KANSL1: variants seen among roughly 807,000 people sequenced by gnomAD.
KANSL1 encodes the protein KAT8 regulatory NSL complex subunit 1, also known as MLL1/MLL complex subunit KANSL1.
A neutral mutation model predicts 103.6 loss-of-function variants in KANSL1; 22 were observed. The observed-to-expected ratio is 0.21, with a 90% CI of 0.15 to 0.30. The LOEUF (loss-of-function observed/expected upper bound fraction) is 0.30, where lower values mean the gene tolerates loss of function less well. KANSL1 is among the 10% of genes least tolerant of loss of function. KANSL1 has a pLI of 1.00. For synonymous variants in KANSL1, 600 were observed against 527.6 expected (o/e 1.14, Z -1.88); for missense variants, 1,337 against 1,399.8 (o/e 0.96, Z 0.72).
At chr17:46,187,642 G>A (rs534689456) in intron 1 of KANSL1, among the ~76,000 whole-genome samples, 60 of 152,358 alleles carry the variant, frequency 3.9e-4, no homozygotes, top group African/African-American at 1.4e-3. Flanking sequence ...GCTTTCAAAT[G>A]TTAACACTGT....
chr17:46,102,850 T>C (rs2042379581), intron 2 of KANSL1, among the ~76,000 whole-genome samples: 2 of 152,186 alleles, frequency 1.3e-5, no homozygotes, highest in Admixed American at 1.3e-4. Flanking sequence ...ATGTTAATAA[T>C]CAAATAATCA....
intron 1 of KANSL1, among the ~76,000 whole-genome samples, chr17:46,206,030 T>A (rs1174383133): frequency 6.6e-6 from 1 of 150,452 alleles, no homozygotes; most frequent in Non-Finnish European, 1.5e-5. Context: ...TGAGCCATGA[T>A]TGCATTACTG....
chr17:46,090,093 C>T (rs2146902909), intron 3 of KANSL1, among the ~76,000 whole-genome samples: 1 of 152,210 alleles, frequency 6.6e-6, no homozygotes. Context: ...GACTGGTGTC[C>T]TCCTGACATG....
chr17:46,128,262 T>C (rs2043671947), intron 2 of KANSL1, among the ~76,000 whole-genome samples: 1 of 152,238 alleles, frequency 6.6e-6, no homozygotes, highest in Admixed American at 6.5e-5. Flanking sequence ...GAGAGTTCAA[T>C]GATAGGCCCT....
chr17:46,066,788 A>C (rs767597217), intron 5 of KANSL1, 56 bp from the exon 6 acceptor site: 40 of 1,267,924 alleles, frequency 3.2e-5, no homozygotes, highest in Non-Finnish European at 4.3e-5. Flanking sequence ...AAAATAAATA[A>C]ACAACAAGAA....
chr17:46,162,411 T>C (rs1026693439), intron 2 of KANSL1, among the ~76,000 whole-genome samples: 6 of 152,242 alleles, frequency 3.9e-5, no homozygotes, highest in Admixed American at 6.5e-5. Context: ...TCGGGGGCTC[T>C]ACAAAGGACA....
intron 2 of KANSL1, chr17:46,152,912 T>A (rs1258744196): frequency 1.3e-5 from 2 of 152,274 alleles, no homozygotes; most frequent in Non-Finnish European, 2.9e-5. Context: ...AGAATCACGA[T>A]GAAACTCATT....
intron 2 of KANSL1, among the ~76,000 whole-genome samples, chr17:46,114,475 A>G (rs2042958224): frequency 6.6e-6 from 1 of 152,272 alleles, no homozygotes; most frequent in Non-Finnish European, 1.5e-5. Flanking sequence ...ATGCAGAACT[A>G]AAACTAGAAA....
At chr17:46,034,110 G>A in intron 11 of KANSL1, 51 bp downstream of exon 11, 2 of 1,603,810 alleles carry the variant, frequency 1.2e-6, no homozygotes, top group Non-Finnish European at 1.7e-6. Context: ...GAGGGAAAAA[G>A]GGCAATAGCA....
At position 46,171,273 on chromosome 17, in the gene KANSL1, G is replaced by T. The variant is rs1390249298; in HGVS notation, c.871C>A (p.Gln291Lys). The change falls in exon 2 of 15, where the codon CAG becomes AAG. Residue 291 changes from glutamine (Q) to lysine (K), a missense_variant. Around this residue, in one of 2 missense-constraint regions of KANSL1, gnomAD observed 557 missense variants for 476.4 expected, o/e 1.17. Transcript: ENST00000432791. ...CGGGCACGGCTCTCAATGTCAGCCT[G>T]TCGCCGCAGTAAAGCTGTTATCCTT... ...DTRITALLRR[Q>K]ADIESRARRL... The T allele has an allele frequency of 1.2e-6, 2 of 1,614,118 alleles. No individual in the cohort carries two copies. Among genetic ancestry groups the T allele is most frequent in the Non-Finnish European group, 1.7e-6 (2 of 1,180,046 alleles).
intron 2 of KANSL1, among the ~76,000 whole-genome samples, chr17:46,097,461 C>T (rs1480312515): frequency 2.0e-5 from 3 of 152,084 alleles, no homozygotes; most frequent in Admixed American, 6.5e-5. Flanking sequence ...TTTTAAAATG[C>T]CTAAAACTGA....
At chr17:46,175,153 C>T (rs1337869425) in intron 1 of KANSL1, among the ~76,000 whole-genome samples, 2 of 152,180 alleles carry the variant, frequency 1.3e-5, no homozygotes, top group East Asian at 3.8e-4. Context: ...ATCTTTGGAG[C>T]AATACCAACA....
At chr17:46,148,754 T>C (rs1397479491) in intron 2 of KANSL1, among the ~76,000 whole-genome samples, 1 of 152,056 alleles carries the variant, frequency 6.6e-6, no homozygotes, top group African/African-American at 2.4e-5. Flanking sequence ...GCTAATTTTT[T>C]TTTGTATTTT....
At chr17:46,043,651 C>A (rs1037976864) in intron 7 of KANSL1, 1 of 152,190 alleles carries the variant, frequency 6.6e-6, no homozygotes, top group African/African-American at 2.4e-5. Flanking sequence ...CAAGAAAGGA[C>A]ATCTATTTGT....
intron 6 of KANSL1, among the ~76,000 whole-genome samples, chr17:46,051,308 C>G (rs931673042): frequency 2.6e-5 from 4 of 152,198 alleles, no homozygotes; most frequent in Non-Finnish European, 5.9e-5. Context: ...TGTTACAAAG[C>G]TCATACCTAA....
chr17:46,054,081 G>A (rs1314299621), intron 6 of KANSL1, among the ~76,000 whole-genome samples: 4 of 152,024 alleles, frequency 2.6e-5, no homozygotes, highest in Non-Finnish European at 4.4e-5. Flanking sequence ...CATGTCCACT[G>A]CACTCCAGGC....
chr17:46,141,315 T>TC (rs2044410041), intron 2 of KANSL1, among the ~76,000 whole-genome samples: 1 of 152,068 alleles, frequency 6.6e-6, no homozygotes, highest in Non-Finnish European at 1.5e-5. Flanking sequence ...CAGAGCAAAA[T>TC]CCACACTGAA....
intron 6 of KANSL1, among the ~76,000 whole-genome samples, chr17:46,057,233 G>A (rs1280195291): frequency 6.6e-6 from 1 of 152,078 alleles, no homozygotes; most frequent in Non-Finnish European, 1.5e-5. Flanking sequence ...GACTACAATG[G>A]CTTGAAATAC....
At position 46,163,225 on chromosome 17, in the gene KANSL1, C is replaced by T. The variant is rs555649793; in HGVS notation, c.1289+7630G>A. ...TCTTAACCACTGGATCCCTAGCATCCCAGCATGTAGCAGGCATTCAATGTA... is the reference window on the plus strand; with the variant it reads ...TCTTAACCACTGGATCCCTAGCATCTCAGCATGTAGCAGGCATTCAATGTA... On this transcript the variant is annotated intron_variant, in intron 2 of 14. Transcript: ENST00000432791. 2.0e-5 allele frequency among the ~76,000 whole-genome samples: 3 copies of T among 152,366 alleles called. No individual in the cohort carries two copies. In the South Asian group the frequency reaches 6.2e-4, roughly 32 times the overall value.
Sources: gnomAD v4.1 joint callset for allele counts (sites outside exome capture counted in the v4.1 genomes callset) on GRCh38, gnomAD v4.1.1 for gene constraint, gnomAD v4.1.1 regional missense constraint, MANE v1.5 for transcripts, NCBI Gene and HGNC (gene_info 2026-07-23, HGNC 2026-07-21) for gene names.